Variants in UBR2 observed in about 807,000 individuals in gnomAD.
The protein encoded by UBR2 is E3 ubiquitin-protein ligase UBR2.
Under a neutral mutation model 247.9 loss-of-function variants are expected in UBR2, and 92 were observed. The observed-to-expected ratio is 0.37, with a 90% CI of 0.31 to 0.44. UBR2 has a LOEUF of 0.44. UBR2 is among the 20% of genes least tolerant of loss of function. The pLI, the probability that UBR2 is intolerant of heterozygous loss-of-function variation, is 1.00. For synonymous variants in UBR2, 672 were observed against 693.5 expected, an observed-to-expected ratio of 0.97 and a Z score of 0.49; for missense variants, 1,613 against 2,112.6, an observed-to-expected ratio of 0.76 and a Z score of 4.64.
At chr6:42,657,873 A>C (rs1797529302) in intron 26 of UBR2, 151 bp from the exon 27 acceptor site, 1 of 558,540 alleles carries the variant, frequency 1.8e-6, no homozygotes, top group East Asian at 2.9e-5. Context: ...TCACATTCTC[A>C]AGAAGTATTG....
intron 18 of UBR2, among the ~76,000 whole-genome samples, chr6:42,642,924 T>G (rs1162411332): frequency 6.6e-6 from 1 of 152,298 alleles, no homozygotes; most frequent in African/African-American, 2.4e-5. Context: ...TGCCATATTC[T>G]CATACATCTT....
At chr6:42,595,128 C>T (rs1792886477) in intron 4 of UBR2, among the ~76,000 whole-genome samples, 1 of 152,152 alleles carries the variant, frequency 6.6e-6, no homozygotes, top group Non-Finnish European at 1.5e-5. Context: ...ACATATCCAT[C>T]ACCTCAAGCA....
rs577089593 is a variant in UBR2 at position 42,688,248 on chromosome 6, C to T, written c.4886C>T (p.Ala1629Val). 27 of 1,614,136 alleles carry T rather than the reference C, an allele frequency of 1.7e-5. No individual in the cohort carries two copies. The South Asian group carries it at 2.5e-4, about 15-fold the overall frequency. ...AAATCAGGTGGTGATAAGAGCAGAG[C>T]CCCAACTCTGTGCCTTGTGTGCGGA... Reference protein sequence around the residue: ...CPKSGGDKSRAPTLCLVCGSL... With the variant: ...CPKSGGDKSRVPTLCLVCGSL... The change falls in exon 45 of 47, where the codon GCC (alanine) becomes GTC (valine). Residue 1629 changes from alanine (A) to valine (V), a missense_variant. By Grantham distance (64) the Ala-to-Val change is moderately conservative. Transcript: ENST00000372901.
chr6:42,633,562 TG>T (rs1582599478), intron 13 of UBR2, among the ~76,000 whole-genome samples: 1 of 152,094 alleles, frequency 6.6e-6, no homozygotes, highest in African/African-American at 2.4e-5. Flanking sequence ...GCTAATTTTT[TG>T]TATTTTTAAT....
chr6:42,673,882 T>C lies in UBR2; in HGVS notation c.4178T>C (p.Phe1393Ser), dbSNP rs1562389490. 2 of 1,611,850 alleles carry C rather than the reference T, an allele frequency of 1.2e-6. No homozygotes were observed. The highest frequency in any genetic ancestry group is 2.2e-5 in the East Asian group (1 of 44,858). The change falls in exon 37 of 47, where the codon TTT (phenylalanine) becomes TCT (serine). Residue 1393 changes from phenylalanine (F) to serine (S), a missense_variant. Physicochemically the swap from Phe to Ser is radical, Grantham distance 155. Transcript: ENST00000372901. ...GTGCAAGGACATTTTTGTAAACTTT[T>C]TGCATGTGAGTATTAATACATTTAT... ...SVVQGHFCKL[F>S]ASLVPNDSHE...
At chr6:42,571,160 G>A (rs1029654066) in intron 1 of UBR2, among the ~76,000 whole-genome samples, 3 of 147,374 alleles carry the variant, frequency 2.0e-5, no homozygotes, top group Non-Finnish European at 4.5e-5. Context: ...GGAGAATGGC[G>A]TGAACCTGGG....
rs1799736907 is a variant in UBR2, at chr6:42,691,262, AAATT to A, written c.*90_*93del. 2.6e-6 allele frequency: 4 copies of A among 1,543,608 alleles called. No homozygotes were observed. Among genetic ancestry groups the A allele is most frequent in the Non-Finnish European group, 3.5e-6 (4 of 1,138,510 alleles). ...AAGAAGTTCTGCTGAATTTGGAAAT[AAATT>A]CTTTATTTAAACTTTCCTTCCCAGT... On this transcript the variant is annotated 3_prime_UTR_variant, in exon 47 of 47. Coordinates refer to ENST00000372901, the MANE Select transcript of UBR2 (RefSeq NM_001363705.2).
Position 42,635,527 on chromosome 6 carries a change from A to G in UBR2, c.1655A>G (p.Gln552Arg). Residue 552 changes from glutamine (Q) to arginine (R), a missense_variant, in exon 14 of 47, where the codon CAG becomes CGG. Gln to Arg is a conservative substitution (Grantham distance 43). Coordinates refer to ENST00000372901, the MANE Select transcript of UBR2 (RefSeq NM_001363705.2). Reference sequence around the variant, plus strand: ...TTAACACATGTCATTTCAATGATGCAGGACTGGTGTGCTTCAGATGTGAGT... The same window carrying G: ...TTAACACATGTCATTTCAATGATGCGGGACTGGTGTGCTTCAGATGTGAGT... ...MKLTHVISMM[Q>R]DWCASDEKVL... 1 of 1,611,180 alleles carries G rather than the reference A, an allele frequency of 6.2e-7. No individual in the cohort carries two copies. Among genetic ancestry groups the G allele is most frequent in the Non-Finnish European group, 8.5e-7 (1 of 1,177,706 alleles).
rs994182728 is a variant in UBR2 at position 42,658,087 on chromosome 6, C to A, written c.2936C>A (p.Ala979Asp). ...GCTATGCTGGAAACACTACAAAATG[C>A]TCCCTACCTAGAAGTCCACAAAGAC... ...ILAMLETLQN[A>D]PYLEVHKDMI... Residue 979 changes from alanine to aspartate, a missense_variant, in exon 27 of 47, where the codon GCT becomes GAT. Ala to Asp is a moderately radical substitution (Grantham distance 126, BLOSUM62 -2). Around this residue, in one of 3 missense-constraint regions of UBR2, gnomAD observed 1,524 missense variants for 1,967.3 expected, o/e 0.77. Coordinates refer to ENST00000372901, the MANE Select transcript of UBR2 (RefSeq NM_001363705.2). The A allele has an allele frequency of 1.2e-6, 2 of 1,613,968 alleles. No individual in the cohort carries two copies. Among genetic ancestry groups the A allele is most frequent in the African/African-American group, 2.7e-5 (2 of 74,916 alleles).
chr6:42,661,845 T>C (rs1464565175), intron 30 of UBR2, among the ~76,000 whole-genome samples: 1 of 152,216 alleles, frequency 6.6e-6, no homozygotes, highest in East Asian at 1.9e-4. Flanking sequence ...GTAGCTCTTT[T>C]ACCTGGAGCT....
At chr6:42,684,298 C>T (rs1208936877) in intron 43 of UBR2, among the ~76,000 whole-genome samples, 3 of 152,100 alleles carry the variant, frequency 2.0e-5, no homozygotes, top group African/African-American at 7.2e-5. Flanking sequence ...ACTGTCTAGC[C>T]GAGCACATTG....
intron 7 of UBR2, among the ~76,000 whole-genome samples, chr6:42,611,964 G>C (rs567401046): frequency 6.6e-6 from 1 of 150,586 alleles, no homozygotes; most frequent in East Asian, 1.9e-4. Flanking sequence ...CTGAACCTTC[G>C]TATTTTTTTG....
rs768563438 is a variant in UBR2 at position 42,642,429 on chromosome 6, A to G, written c.2045A>G (p.His682Arg). The G allele has an allele frequency of 6.2e-7, 1 of 1,607,988 alleles. No homozygotes were observed. The highest frequency in any genetic ancestry group is 2.2e-5 in the East Asian group (1 of 44,710). The change falls in exon 18 of 47, where the codon CAT (histidine) becomes CGT (arginine). Residue 682 changes from histidine to arginine, a missense_variant. His to Arg is a conservative substitution (Grantham distance 29). Transcript: ENST00000372901. ...TTTTTTTTTTAGATTTATTACTACC[A>G]TAATGTGAAATGCAGACGTGAGATG... ...FSLVNQIYYYHNVKCRREMFD... is the reference protein window; with the variant it reads ...FSLVNQIYYYRNVKCRREMFD...
chr6:42,640,698 G>A (rs1796390437), intron 16 of UBR2, among the ~76,000 whole-genome samples: 1 of 151,858 alleles, frequency 6.6e-6, no homozygotes, highest in South Asian at 2.1e-4. Context: ...TGTTTGGAGG[G>A]TAATCTGCTT....
intron 20 of UBR2, 69 bp downstream of exon 20, chr6:42,644,605 T>A: frequency 7.5e-7 from 1 of 1,341,710 alleles, no homozygotes; most frequent in Non-Finnish European, 1.0e-6. Context: ...AGTTTGGAAT[T>A]TCTGGCCTGT....
chr6:42,675,375 A>G (rs542093532), intron 38 of UBR2, among the ~76,000 whole-genome samples: 44 of 152,034 alleles, frequency 2.9e-4, no homozygotes, highest in African/African-American at 1.1e-3. Flanking sequence ...TGTGTAAAAC[A>G]GCTCATAAGA....
intron 2 of UBR2, among the ~76,000 whole-genome samples, chr6:42,586,351 C>A (rs1269950848): frequency 6.6e-6 from 1 of 152,158 alleles, no homozygotes; most frequent in Non-Finnish European, 1.5e-5. Context: ...CACAGCCAGA[C>A]CTTGTCTCAA....
At chr6:42,564,646 C>T (rs889750610) in intron 1 of UBR2, among the ~76,000 whole-genome samples, 1 of 152,252 alleles carries the variant, frequency 6.6e-6, no homozygotes, top group Non-Finnish European at 1.5e-5. Flanking sequence ...GGAGAACCCA[C>T]GGCTCTTCCA....
At position 42,648,105 on chromosome 6, in the gene UBR2, C is replaced by G; in HGVS notation, c.2410-13C>G. ...TTATTAACATGAAACACACTTGTGT[C>G]CTGTACCTTTAGGAGAACAAGGAGA... On this transcript the variant is annotated splice_polypyrimidine_tract_variant and intron_variant, in intron 21 of 46. Coordinates refer to ENST00000372901, the MANE Select transcript of UBR2 (RefSeq NM_001363705.2). The G allele has an allele frequency of 6.2e-7, 1 of 1,612,228 alleles. No homozygotes were observed. The highest frequency in any genetic ancestry group is 8.5e-7 in the Non-Finnish European group (1 of 1,178,410).
Sources: allele counts gnomAD v4.1 joint callset (sites outside exome capture counted in the v4.1 genomes callset), GRCh38; gene constraint gnomAD v4.1.1; regional missense constraint gnomAD v4.1.1; transcripts MANE v1.5; gene names NCBI Gene and HGNC (gene_info 2026-07-23, HGNC 2026-07-21).